The following NUBPL variants were observed in gnomAD, a reference collection of about 807,000 sequenced individuals.
NUBPL encodes iron-sulfur cluster transfer protein NUBPL.
A neutral mutation model predicts 45.7 loss-of-function variants in NUBPL; 31 were observed. That is an observed-to-expected ratio of 0.68 (90% CI 0.51 to 0.92). The LOEUF (loss-of-function observed/expected upper bound fraction) is 0.92, where lower values mean the gene tolerates loss of function less well. Among genes scored for constraint, NUBPL ranks in the 40% least tolerant of loss-of-function variants. NUBPL has a pLI of 0.00. For missense variants in NUBPL, 401 were observed against 398.7 expected, an observed-to-expected ratio of 1.01 and a Z score of -0.05; for synonymous variants, 144 against 140.9, an observed-to-expected ratio of 1.02 and a Z score of -0.15.
At chr14:31,772,887 A>G (rs2039034040) in intron 6 of NUBPL, among the ~76,000 whole-genome samples, 2 of 152,148 alleles carry the variant, frequency 1.3e-5, no homozygotes, top group Admixed American at 1.3e-4. Flanking sequence ...TTTTTCTTTT[A>G]GAAAGAAAGA....
chr14:31,669,720 G>A (rs747224562), intron 4 of NUBPL, among the ~76,000 whole-genome samples: 3 of 149,038 alleles, frequency 2.0e-5, no homozygotes, highest in Admixed American at 6.7e-5. Context: ...TGGTATTTGG[G>A]TTTCTGTTCC....
chr14:31,710,360 C>T (rs1387386150), intron 6 of NUBPL, among the ~76,000 whole-genome samples: 3 of 152,132 alleles, frequency 2.0e-5, no homozygotes, highest in African/African-American at 7.2e-5. Context: ...GAAACAACCC[C>T]TGCCCAAGAA....
intron 6 of NUBPL, among the ~76,000 whole-genome samples, chr14:31,751,253 C>G (rs1008845956): frequency 6.6e-6 from 1 of 152,218 alleles, no homozygotes; most frequent in Non-Finnish European, 1.5e-5. Context: ...AACAGTTCCC[C>G]AGAGTCTTAA....
chr14:31,692,554 G>A (rs2139866634), intron 6 of NUBPL, among the ~76,000 whole-genome samples: 1 of 152,328 alleles, frequency 6.6e-6, no homozygotes, highest in Non-Finnish European at 1.5e-5. Context: ...GCAGATGCCA[G>A]TTTTCTTCTC....
At chr14:31,710,060 T>G (rs2037536627) in intron 6 of NUBPL, among the ~76,000 whole-genome samples, 1 of 152,172 alleles carries the variant, frequency 6.6e-6, no homozygotes, top group Admixed American at 6.5e-5. Context: ...AGTATTGTAA[T>G]TTGTACTTCC....
At chr14:31,578,301 A>G (rs1317035463) in intron 3 of NUBPL, among the ~76,000 whole-genome samples, 4 of 152,248 alleles carry the variant, frequency 2.6e-5, no homozygotes, top group Non-Finnish European at 5.9e-5. Context: ...GATTTAAAAC[A>G]AGCTTTGGTA....
chr14:31,826,469 C>T (rs549666389), intron 7 of NUBPL, among the ~76,000 whole-genome samples, 160 bp from the exon 8 acceptor site: 6 of 152,126 alleles, frequency 3.9e-5, no homozygotes, highest in South Asian at 4.1e-4. Context: ...AAAACAAAGT[C>T]GACATTTTCT....
chr14:31,582,117 A>C (rs115103020), intron 3 of NUBPL, among the ~76,000 whole-genome samples: 3,208 of 152,222 alleles, frequency 0.021, 110 homozygotes, highest in African/African-American at 0.071. Flanking sequence ...ATTAGTGTCA[A>C]GGTGAATTGG....
chr14:31,697,904 C>T (rs549823779), intron 6 of NUBPL, among the ~76,000 whole-genome samples: 1 of 152,148 alleles, frequency 6.6e-6, no homozygotes, highest in South Asian at 2.1e-4. Context: ...TCTTTTGGTG[C>T]AGTCGGGGAT....
chr14:31,704,555 C>A (rs147484336), intron 6 of NUBPL, among the ~76,000 whole-genome samples: 2 of 152,012 alleles, frequency 1.3e-5, no homozygotes, highest in South Asian at 4.2e-4. Context: ...CCCAGCTACT[C>A]AGGAGGCTGA....
chr14:31,791,545 A>G (rs767912476), intron 7 of NUBPL, among the ~76,000 whole-genome samples: 1 of 152,192 alleles, frequency 6.6e-6, no homozygotes, highest in South Asian at 2.1e-4. Flanking sequence ...CTAATTTTGT[A>G]TATAAATTTA....
At chr14:31,708,169 T>C (rs2037494794) in intron 6 of NUBPL, among the ~76,000 whole-genome samples, 1 of 152,206 alleles carries the variant, frequency 6.6e-6, no homozygotes, top group African/African-American at 2.4e-5. Flanking sequence ...CTCCACTGAC[T>C]GTTTGGTTTT....
intron 4 of NUBPL, among the ~76,000 whole-genome samples, chr14:31,651,904 A>G (rs2139741761): frequency 1.3e-5 from 2 of 151,952 alleles, no homozygotes; most frequent in Middle Eastern, 3.4e-3. Flanking sequence ...GTCTCAAAAA[A>G]AAAAAAAAAG....
At chr14:31,726,042 T>C (rs1261590074) in intron 6 of NUBPL, among the ~76,000 whole-genome samples, 1 of 152,190 alleles carries the variant, frequency 6.6e-6, no homozygotes, top group African/African-American at 2.4e-5. Context: ...AGATGTATTT[T>C]ATCTAGAAGT....
intron 4 of NUBPL, among the ~76,000 whole-genome samples, chr14:31,647,275 A>G (rs1304229710): frequency 2.0e-5 from 3 of 152,136 alleles, no homozygotes; most frequent in African/African-American, 7.2e-5. Context: ...ATGTACATCT[A>G]TGTATTTGCA....
chr14:31,821,008 A>G (rs946429804), intron 7 of NUBPL, among the ~76,000 whole-genome samples: 2 of 152,132 alleles, frequency 1.3e-5, no homozygotes, highest in African/African-American at 4.8e-5. Context: ...CTGTAATCCC[A>G]GCTACTCTGG....
chr14:31,641,889 T>A (rs2120142), intron 4 of NUBPL, among the ~76,000 whole-genome samples: 83,703 of 152,158 alleles, frequency 0.55, 25,233 homozygotes, highest in African/African-American at 0.82. Context: ...GGCCGTTTTA[T>A]ACTGTGTTAT....
chr14:31,662,931 A>G (rs573356214), intron 4 of NUBPL, among the ~76,000 whole-genome samples: 1 of 152,338 alleles, frequency 6.6e-6, no homozygotes, highest in African/African-American at 2.4e-5. Context: ...AATGATCGCC[A>G]TTCTAACTCA....
chr14:31,782,809 A>AAAAT (rs1286352889), intron 6 of NUBPL, among the ~76,000 whole-genome samples: 1 of 152,038 alleles, frequency 6.6e-6, no homozygotes, highest in Admixed American at 6.5e-5. Flanking sequence ...CAAACAAACA[A>AAAAT]AAATAAACAT....
Sources: allele counts gnomAD v4.1 joint callset (sites outside exome capture counted in the v4.1 genomes callset), GRCh38; gene constraint gnomAD v4.1.1; transcripts MANE v1.5; gene names NCBI Gene and HGNC (gene_info 2026-07-23, HGNC 2026-07-21).